Variants in FOXP1 observed in about 807,000 individuals in gnomAD.
FOXP1 encodes the protein forkhead box protein P1.
FOXP1 carries 15 observed loss-of-function variants against 98.2 expected under a neutral mutation model. The observed-to-expected ratio is 0.15, with a 90% CI of 0.10 to 0.24. The LOEUF (loss-of-function observed/expected upper bound fraction) is 0.24. Ranked by LOEUF, FOXP1 falls within the 10% of genes least tolerant of loss-of-function variation. The pLI is 1.00. For missense variants in FOXP1, 633 were observed against 848.5 expected (o/e 0.75, Z 3.15); for synonymous variants, 371 against 314.5 (o/e 1.18, Z -1.90).
chr3:71,301,255 G>A (rs189309666), intron 4 of FOXP1, among the ~76,000 whole-genome samples: 105 of 152,206 alleles, frequency 6.9e-4, no homozygotes, highest in African/African-American at 2.2e-3. Context: ...AATGAAAATC[G>A]TGTGCTTTAC....
At chr3:71,375,773 C>A (rs1319060051) in intron 3 of FOXP1, among the ~76,000 whole-genome samples, 1 of 152,162 alleles carries the variant, frequency 6.6e-6, no homozygotes, top group Non-Finnish European at 1.5e-5. Flanking sequence ...ATAAACAAAG[C>A]TAGACATCAT....
chr3:71,028,988 G>A (rs1437832308), intron 11 of FOXP1, among the ~76,000 whole-genome samples: 1 of 152,140 alleles, frequency 6.6e-6, no homozygotes, highest in Non-Finnish European at 1.5e-5. Context: ...GATGGGGAGC[G>A]GCTGTAAATA....
At chr3:70,972,230 G>A (rs748475611) in intron 18 of FOXP1, 63 of 1,448,134 alleles carry the variant, frequency 4.4e-5, no homozygotes, top group Middle Eastern at 1.9e-4. Context: ...AAAAGGAGAC[G>A]GGGTTGGGGG....
chr3:71,236,919 G>A (rs1237735572), intron 5 of FOXP1, among the ~76,000 whole-genome samples: 1 of 150,786 alleles, frequency 6.6e-6, no homozygotes, highest in East Asian at 1.9e-4. Context: ...AAATAAAAAA[G>A]AAGTAGTGAA....
chr3:71,476,293 C>T (rs1451612641), intron 3 of FOXP1, among the ~76,000 whole-genome samples: 1 of 151,416 alleles, frequency 6.6e-6, no homozygotes, highest in African/African-American at 2.4e-5. Flanking sequence ...ATAAATTCAT[C>T]AAGTTCTTTT....
chr3:71,566,328 C>G (rs928486292), intron 2 of FOXP1, among the ~76,000 whole-genome samples: 5 of 152,214 alleles, frequency 3.3e-5, no homozygotes, highest in Admixed American at 3.3e-4. Context: ...AAGTTAATAA[C>G]TGGTTTGCAA....
intron 16 of FOXP1, 91 bp downstream of exon 16, chr3:70,977,551 TA>T (rs1442634277): frequency 1.8e-6 from 2 of 1,084,974 alleles, no homozygotes; most frequent in East Asian, 4.7e-5. Flanking sequence ...CATGCTTGCA[TA>T]CTAAACGGTT....
chr3:71,098,849 C>T (rs1262927506), intron 7 of FOXP1, among the ~76,000 whole-genome samples: 3 of 152,114 alleles, frequency 2.0e-5, no homozygotes, highest in Non-Finnish European at 4.4e-5. Context: ...AGACCATGAC[C>T]CTTATTTGTG....
intron 4 of FOXP1, among the ~76,000 whole-genome samples, chr3:71,326,488 G>GTGATGGCAGAGC (rs2075698907): frequency 6.6e-6 from 1 of 152,144 alleles, no homozygotes; most frequent in African/African-American, 2.4e-5. Flanking sequence ...TGCTTATTCT[G>GTGATGGCAGAGC]TGATGGCAGA....
intron 2 of FOXP1, among the ~76,000 whole-genome samples, chr3:71,503,601 G>GAAAAA (rs368279502): frequency 3.4e-4 from 26 of 75,602 alleles, no homozygotes; most frequent in Non-Finnish European, 5.3e-4. Context: ...ACTCTGTCTC[G>GAAAAA]AAAAAAAAAA....
At chr3:71,576,975 C>T (rs1479197170) in intron 2 of FOXP1, among the ~76,000 whole-genome samples, 1 of 152,132 alleles carries the variant, frequency 6.6e-6, no homozygotes, top group Non-Finnish European at 1.5e-5. Context: ...TAAAGACTGG[C>T]ATCAGGGCAT....
At chr3:71,535,004 C>T (rs1266367691) in intron 2 of FOXP1, among the ~76,000 whole-genome samples, 1 of 152,136 alleles carries the variant, frequency 6.6e-6, no homozygotes, top group Non-Finnish European at 1.5e-5. Context: ...AGTGAAATCA[C>T]AATGTACTCA....
At chr3:71,415,174 A>T (rs1037876088) in intron 3 of FOXP1, among the ~76,000 whole-genome samples, 1 of 152,346 alleles carries the variant, frequency 6.6e-6, no homozygotes, top group Middle Eastern at 3.4e-3. Context: ...CAACTCTAGG[A>T]AATTCATTCG....
intron 7 of FOXP1, among the ~76,000 whole-genome samples, chr3:71,078,063 C>G (rs1174177988): frequency 6.6e-6 from 1 of 152,150 alleles, no homozygotes; most frequent in East Asian, 1.9e-4. Context: ...AACTCCTGAC[C>G]TCAGGTGATC....
At chr3:70,967,623 CTTTTTTT>C (rs1559584693) in intron 19 of FOXP1, among the ~76,000 whole-genome samples, 4 of 143,786 alleles carry the variant, frequency 2.8e-5, no homozygotes, top group African/African-American at 1.1e-4. Flanking sequence ...TGCGATAAAG[CTTTTTTT>C]CTTTCTTTCT....
chr3:71,516,498 T>C (rs2042591112), intron 2 of FOXP1, among the ~76,000 whole-genome samples: 1 of 152,200 alleles, frequency 6.6e-6, no homozygotes, highest in Admixed American at 6.5e-5. Flanking sequence ...ATTCCTAAAA[T>C]ATATTATCTT....
chr3:71,581,449 C>T, intron 2 of FOXP1, 100 bp downstream of exon 2: 3 of 985,456 alleles, frequency 3.0e-6, no homozygotes, highest in Non-Finnish European at 3.6e-6. Context: ...TCGCTAGGCT[C>T]GCGCCACCCC....
chr3:71,031,610 C>A (rs1433516653), intron 11 of FOXP1, among the ~76,000 whole-genome samples: 2 of 152,170 alleles, frequency 1.3e-5, no homozygotes, highest in African/African-American at 4.8e-5. Flanking sequence ...ATTTCTGAGG[C>A]GGATAATGAT....
At chr3:71,157,460 C>T (rs757797799) in intron 6 of FOXP1, among the ~76,000 whole-genome samples, 1 of 152,068 alleles carries the variant, frequency 6.6e-6, no homozygotes, top group Non-Finnish European at 1.5e-5. Context: ...GACATACCTG[C>T]CCCACAAAAA....
Sources: allele counts gnomAD v4.1 joint callset (sites outside exome capture counted in the v4.1 genomes callset), GRCh38; gene constraint gnomAD v4.1.1; transcripts MANE v1.5; gene names NCBI Gene and HGNC (gene_info 2026-07-23, HGNC 2026-07-21).